The following SVIL variants were observed in gnomAD, a reference collection of about 807,000 sequenced individuals.
The protein encoded by SVIL is supervillin, also known as archvillin.
SVIL carries 101 observed loss-of-function variants against 240.4 expected under a neutral mutation model. The observed-to-expected ratio is 0.42, with a 90% CI of 0.36 to 0.50. The LOEUF (loss-of-function observed/expected upper bound fraction) is 0.50. Among genes scored for constraint, SVIL ranks in the 20% least tolerant of loss-of-function variants. The pLI is 0.01. For missense variants in SVIL, 2,512 were observed against 2,818.7 expected (o/e 0.89, Z 2.46); for synonymous variants, 999 against 1,100.0 (o/e 0.91, Z 1.82).
chr10:29,656,203 A>G (rs1959001522), intron 3 of SVIL, among the ~76,000 whole-genome samples: 1 of 151,350 alleles, frequency 6.6e-6, no homozygotes, highest in Non-Finnish European at 1.5e-5. Flanking sequence ...TAAAAACATG[A>G]AGAGGCATTC....
intron 1 of SVIL, among the ~76,000 whole-genome samples, chr10:29,731,782 C>T (rs1964635396): frequency 6.6e-6 from 1 of 152,166 alleles, no homozygotes; most frequent in Non-Finnish European, 1.5e-5. Flanking sequence ...TACAGTTTAA[C>T]AAAGGCGCCT....
intron 1 of SVIL, among the ~76,000 whole-genome samples, chr10:29,593,801 C>T (rs1349110821): frequency 6.6e-6 from 1 of 152,162 alleles, no homozygotes; most frequent in Non-Finnish European, 1.5e-5. Context: ...ATGGACTGCG[C>T]CCAAGCCCTT....
chr10:29,565,137 G>A (rs1464100742), intron 2 of SVIL, among the ~76,000 whole-genome samples: 3 of 151,990 alleles, frequency 2.0e-5, no homozygotes, highest in Non-Finnish European at 4.4e-5. Context: ...CTTACCTTGC[G>A]GTACAAATGC....
At chr10:29,609,226 A>G (rs2132867472) in intron 1 of SVIL, among the ~76,000 whole-genome samples, 1 of 152,218 alleles carries the variant, frequency 6.6e-6, no homozygotes, top group East Asian at 1.9e-4. Context: ...AAGGAGCTGT[A>G]ACATGTTCTT....
At chr10:29,587,700 C>T (rs10826666) in intron 1 of SVIL, among the ~76,000 whole-genome samples, 15,387 of 152,178 alleles carry the variant, frequency 0.1, 856 homozygotes, top group African/African-American at 0.13. Context: ...CCAGAAAGTC[C>T]ATCTTGCAGG....
upstream of SVIL, among the ~76,000 whole-genome samples, chr10:29,636,960 C>T (rs1958331877): frequency 6.6e-6 from 1 of 152,088 alleles, no homozygotes; most frequent in Non-Finnish European, 1.5e-5. Flanking sequence ...CACCACCACA[C>T]TGGGCTAATT....
In SVIL at chr10:29,529,375, A is replaced by AGGGG. The variant is rs1298871338; in HGVS notation, c.2246+329_2246+330insCCCC. On this transcript the variant is annotated intron_variant, in intron 12 of 37. Coordinates refer to ENST00000355867, the MANE Select transcript of SVIL (RefSeq NM_021738.3). ...CACGGGCTGAGCATCACCGGCCAGG[A>AGGGG]GCGGGTGACCGTGGAAGCTGGGGTT... Among the ~76,000 whole-genome samples, 712 of 152,034 alleles carry AGGGG rather than the reference A, an allele frequency of 4.7e-3. 6 individuals carry two copies. Among genetic ancestry groups the AGGGG allele is most frequent in the African/African-American group, 0.016 (671 of 41,460 alleles).
intron 29 of SVIL, among the ~76,000 whole-genome samples, chr10:29,474,675 G>A (rs1945995840): frequency 6.6e-6 from 1 of 151,950 alleles, no homozygotes; most frequent in Non-Finnish European, 1.5e-5. Context: ...GCAGGACTAA[G>A]GGCTCACACA....
intron 1 of SVIL, among the ~76,000 whole-genome samples, chr10:29,573,756 A>G (rs1053706717): frequency 2.6e-5 from 4 of 151,184 alleles, no homozygotes; most frequent in African/African-American, 9.7e-5. Context: ...GTGCAATGGC[A>G]TGTCTCTTGG....
chr10:29,550,019 T>TAAAAAAAA (rs11339067), intron 6 of SVIL, among the ~76,000 whole-genome samples: 1 of 70,218 alleles, frequency 1.4e-5, no homozygotes, highest in Non-Finnish European at 2.9e-5. Flanking sequence ...ACTTAAAGTA[T>TAAAAAAAA]AAAAAAAAAA....
rs182421474 is a variant in SVIL, at chr10:29,682,264, C to T, written c.-301+4289G>A. On this transcript the variant is annotated intron_variant, in intron 2 of 35. Coordinates refer to the SVIL transcript ENST00000375400. ...GAGAGAGTAGCCCACGTGTAGGTAT[C>T]TCAGCCCACAGTCCCATAGCCAGAG... Among the ~76,000 whole-genome samples the T allele has an allele frequency of 1.3e-4, 20 of 152,334 alleles. No homozygotes were observed. In the East Asian group the frequency reaches 3.9e-3, roughly 29 times the overall value.
chr10:29,486,742 G>A (rs1057507145), intron 24 of SVIL, among the ~76,000 whole-genome samples, 185 bp from the exon 25 acceptor site: 4 of 152,222 alleles, frequency 2.6e-5, no homozygotes, highest in African/African-American at 2.4e-5. Flanking sequence ...AAAGACCAGG[G>A]AGTATCAATT....
At chr10:29,584,164 T>A (rs574680327) in intron 1 of SVIL, among the ~76,000 whole-genome samples, 43 of 152,318 alleles carry the variant, frequency 2.8e-4, no homozygotes, top group African/African-American at 9.6e-4. Flanking sequence ...CTCACCTCCG[T>A]GCCAGGAAGA....
At chr10:29,637,124 G>C (rs1958336565), upstream of SVIL, among the ~76,000 whole-genome samples, 1 of 151,982 alleles carries the variant, frequency 6.6e-6, no homozygotes, top group African/African-American at 2.4e-5. Context: ...GTGATTTTTG[G>C]CAGATATTCT....
intron 3 of SVIL, among the ~76,000 whole-genome samples, chr10:29,655,039 C>T (rs763403018): frequency 1.7e-4 from 26 of 152,196 alleles, no homozygotes; most frequent in Non-Finnish European, 2.6e-4. Context: ...CACAGACACA[C>T]GCAGAAATAA....
intron 2 of SVIL, among the ~76,000 whole-genome samples, chr10:29,675,920 C>T (rs747934430): frequency 1.1e-4 from 17 of 152,132 alleles, no homozygotes; most frequent in Admixed American, 7.9e-4. Context: ...TTTGTCTTAT[C>T]TGAGCTCCTT....
intron 1 of SVIL, among the ~76,000 whole-genome samples, chr10:29,723,261 A>G (rs1473862251): frequency 6.6e-6 from 1 of 152,176 alleles, no homozygotes; most frequent in African/African-American, 2.4e-5. Context: ...TTAAAAATGT[A>G]TCTCAGTTAC....
intron 2 of SVIL, among the ~76,000 whole-genome samples, chr10:29,666,042 A>T (rs1035785171): frequency 5.9e-5 from 9 of 152,170 alleles, no homozygotes; most frequent in African/African-American, 2.2e-4. Flanking sequence ...TAGCGTCTCA[A>T]CAGTAGCTAG....
chr10:29,523,444 C>T lies in SVIL; in HGVS notation c.3163+7G>A. On this transcript the variant is annotated splice_region_variant and intron_variant, in intron 15 of 37. Coordinates refer to ENST00000355867, the MANE Select transcript of SVIL (RefSeq NM_021738.3). ...TTTCTAAAGCTTTAGGGGCACTGGT[C>T]ACTTACCTCTTAGTGAAAACTTCCT... 6.3e-7 allele frequency: 1 copy of T among 1,585,848 alleles called. No homozygotes were observed. The highest frequency in any genetic ancestry group is 1.2e-5 in the South Asian group (1 of 85,248).
Sources: allele counts gnomAD v4.1 joint callset (sites outside exome capture counted in the v4.1 genomes callset), GRCh38; gene constraint gnomAD v4.1.1; transcripts MANE v1.5; gene names NCBI Gene and HGNC (gene_info 2026-07-23, HGNC 2026-07-21).